The following PNPLA7 variants were observed in gnomAD, a reference collection of about 807,000 sequenced individuals.
PNPLA7 encodes the protein patatin-like phospholipase domain-containing protein 7.
A neutral mutation model predicts 161.7 loss-of-function variants in PNPLA7; 153 were observed. The ratio of observed to expected loss-of-function variants is 0.95; its 90% CI spans 0.83 to 1.08. PNPLA7 has a LOEUF of 1.08. Ranked by LOEUF, PNPLA7 falls within the 50% of genes least tolerant of loss-of-function variation. PNPLA7 has a pLI of 0.00. For missense variants in PNPLA7, 1,739 were observed against 1,856.6 expected (o/e 0.94, Z 1.16); for synonymous variants, 809 against 782.1 (o/e 1.03, Z -0.57).
Position 137,464,539 on chromosome 9 carries a change from C to T in PNPLA7, c.3040-83G>A, listed in dbSNP as rs1160943315. 19 of 1,257,694 alleles carry T rather than the reference C, an allele frequency of 1.5e-5. No homozygotes were observed. In the South Asian group the frequency reaches 1.7e-4, roughly 11 times the overall value. The allele number at this position is 1,257,694 out of a possible 1,614,324, so 77.9% of individuals were successfully genotyped here. A position where few individuals can be genotyped will look rare whatever the true frequency, so the allele number is the denominator to read the frequency against. ...CAGACACGTGGCGTGCTGAGGGCCT[C>T]TCATGAATGGAACGGGGGTCCAGAG... On this transcript the variant is annotated intron_variant, in intron 26 of 34. Transcript: ENST00000406427.
At chr9:137,514,832 C>T (rs1417131428) in intron 12 of PNPLA7, among the ~76,000 whole-genome samples, 4 of 140,834 alleles carry the variant, frequency 2.8e-5, no homozygotes, top group Admixed American at 7.1e-5. Context: ...GGGCTGCGGG[C>T]GGGTCACCTG....
chr9:137,527,936 A>G (rs1308477372), intron 8 of PNPLA7, among the ~76,000 whole-genome samples: 1 of 152,252 alleles, frequency 6.6e-6, no homozygotes, highest in Admixed American at 6.5e-5. Context: ...CTTTAGTAGT[A>G]GCCATTCAGA....
At chr9:137,464,021 T>C (rs1413562836) in intron 28 of PNPLA7, 105 bp downstream of exon 28, 2 of 1,256,070 alleles carry the variant, frequency 1.6e-6, no homozygotes, top group African/African-American at 3.0e-5. Context: ...TACGTCTGCA[T>C]CCTTCAGGAG....
In PNPLA7 at chr9:137,520,809, C is replaced by A. The variant is rs903405650; in HGVS notation, c.958-766G>T. 1.3e-5 allele frequency among the ~76,000 whole-genome samples: 2 copies of A among 152,218 alleles called. No homozygotes were observed. The highest frequency in any genetic ancestry group is 2.9e-5 in the Non-Finnish European group (2 of 68,038). ...TTGTGCCCTTGACAATGCGCTGTAC[C>A]CTCCAAACGCGTCACAGTTCAGGGT... On this transcript the variant is annotated intron_variant, in intron 10 of 34. Transcript: ENST00000406427. The surrounding 1 kb of genome is among the most constrained non-coding windows in gnomAD (Gnocchi z 5.2).
Position 137,541,746 on chromosome 9 carries a change from A to G in PNPLA7, c.666+896T>C, listed in dbSNP as rs773310228. Among the ~76,000 whole-genome samples, 42 of 152,330 alleles carry G rather than the reference A, an allele frequency of 2.8e-4. No homozygotes were observed. The highest frequency in any genetic ancestry group is 6.2e-4 in the South Asian group (3 of 4,834). ...TCAAAGGGTGGAATTTAACAGAGGC[A>G]GGAAACAAGTATTGAGCTCCTACGT... is the stretch of plus-strand genomic sequence containing the variant. On this transcript the variant is annotated intron_variant, in intron 7 of 34. Coordinates refer to ENST00000406427, the MANE Select transcript of PNPLA7 (RefSeq NM_001098537.3). This position sits in a 1 kb window ranked among gnomAD's most constrained non-coding sequence, Gnocchi z 4.4.
intron 26 of PNPLA7, chr9:137,464,660 A>G: frequency 1.7e-6 from 1 of 592,290 alleles, no homozygotes. Flanking sequence ...CCTGAAAGCC[A>G]GGACACAGCC....
chr9:137,461,870 G>A, intron 32 of PNPLA7, 61 bp downstream of exon 32: 1 of 1,462,772 alleles, frequency 6.8e-7, no homozygotes, highest in Non-Finnish European at 9.1e-7. Context: ...GGGCGTGGGC[G>A]TGGCCCGAAG....
In PNPLA7 at chr9:137,541,259, G is replaced by A. The variant is rs1472820525; in HGVS notation, c.667-537C>T. ...TAGTCCAAAGGCCAGAGGGACACGG[G>A]TTCTGGTCCTTCAGGAGGGCCCCGC... On this transcript the variant is annotated intron_variant, in intron 7 of 34. Transcript: ENST00000406427. The surrounding 1 kb of genome is among the most constrained non-coding windows in gnomAD (Gnocchi z 4.4). Among the ~76,000 whole-genome samples, 2 of 152,156 alleles carry A rather than the reference G, an allele frequency of 1.3e-5. No individual in the cohort carries two copies. The highest frequency in any genetic ancestry group is 4.8e-5 in the African/African-American group (2 of 41,438).
At chr9:137,517,377 A>C (rs1290085203) in intron 11 of PNPLA7, among the ~76,000 whole-genome samples, 2 of 60,166 alleles carry the variant, frequency 3.3e-5, no homozygotes, top group Non-Finnish European at 5.9e-5. Flanking sequence ...TCCATCTCCC[A>C]CTCACTCACT....
chr9:137,485,856 C>G (rs751261058), intron 20 of PNPLA7, among the ~76,000 whole-genome samples: 1 of 152,198 alleles, frequency 6.6e-6, no homozygotes, highest in Non-Finnish European at 1.5e-5. Context: ...AGCACAGTGG[C>G]AAGGACATGG....
Position 137,505,734 on chromosome 9 carries a change from C to T in PNPLA7, c.1353G>A (p.Glu451=). The T allele has an allele frequency of 6.2e-7, 1 of 1,614,084 alleles. No individual in the cohort carries two copies. Among genetic ancestry groups the T allele is most frequent in the Non-Finnish European group, 8.5e-7 (1 of 1,180,026 alleles). ...SKSRKSVMVA[E]IPSTVSQHSE... is the part of the protein sequence containing the mutation. ...AGTGCTGGGAGACCGTGGAGGGTAT[C>T]TCTGCAACCATCACGCTTTTCCTGG... The change falls in exon 14 of 35, where the codon GAG becomes GAA. Residue 451 remains glutamate, a synonymous_variant. Transcript: ENST00000406427.
At position 137,505,766 on chromosome 9, in the gene PNPLA7, G is replaced by T; in HGVS notation, c.1327-6C>A. The T allele has an allele frequency of 6.2e-7, 1 of 1,613,542 alleles. No individual in the cohort carries two copies. The highest frequency in any genetic ancestry group is 8.5e-7 in the Non-Finnish European group (1 of 1,179,640). On this transcript the variant is annotated splice_region_variant and splice_polypyrimidine_tract_variant and intron_variant, in intron 13 of 34. Transcript: ENST00000406427. ...ACCATCACGCTTTTCCTGGACTGGA[G>T]AAGAACGGAGATACCGGCAATTCGA... is the stretch of plus-strand genomic sequence containing the variant.
chr9:137,507,066 G>C (rs959724678), intron 12 of PNPLA7, among the ~76,000 whole-genome samples: 1 of 152,244 alleles, frequency 6.6e-6, no homozygotes, highest in African/African-American at 2.4e-5. Flanking sequence ...GACACAGAGA[G>C]CCAGGAGCGC....
intron 17 of PNPLA7, among the ~76,000 whole-genome samples, chr9:137,497,623 G>T (rs1288848034): frequency 6.6e-6 from 1 of 152,174 alleles, no homozygotes; most frequent in African/African-American, 2.4e-5. Context: ...CACCTCCCAG[G>T]TTCATGTGAT....
intron 4 of PNPLA7, among the ~76,000 whole-genome samples, chr9:137,545,292 C>T (rs1260354192): frequency 1.3e-5 from 2 of 152,088 alleles, no homozygotes; most frequent in African/African-American, 2.4e-5. Flanking sequence ...AGCACACATG[C>T]CGGTAACCAG....
Position 137,482,203 on chromosome 9 carries a change from G to A in PNPLA7, c.2348-1180C>T, listed in dbSNP as rs62590165. Among the ~76,000 whole-genome samples, 537 of 152,298 alleles carry A rather than the reference G, an allele frequency of 3.5e-3. 2 individuals are homozygous for A. Among genetic ancestry groups the A allele is most frequent in the Non-Finnish European group, 5.8e-3 (392 of 68,024 alleles). ...TTTCTTCTACAACTAAACATACTCC[G>A]ACCACAGGATCCAGCAATCATGCTC... On this transcript the variant is annotated intron_variant, in intron 21 of 34. Coordinates refer to ENST00000406427, the MANE Select transcript of PNPLA7 (RefSeq NM_001098537.3).
At chr9:137,470,342 TTTTA>T (rs1831652068) in intron 25 of PNPLA7, among the ~76,000 whole-genome samples, 1 of 152,166 alleles carries the variant, frequency 6.6e-6, no homozygotes, top group African/African-American at 2.4e-5. Flanking sequence ...GTAAAATTTG[TTTTA>T]TTTATTCCTT....
At chr9:137,506,539 C>T (rs563754058) in intron 12 of PNPLA7, among the ~76,000 whole-genome samples, 1 of 152,294 alleles carries the variant, frequency 6.6e-6, no homozygotes, top group South Asian at 2.1e-4. Context: ...TGGGCCGTCA[C>T]GCTGGTGCTT....
rs753588257 is a variant in PNPLA7 at position 137,543,411 on chromosome 9, G to C, written c.506+21C>G. 3.7e-6 allele frequency: 6 copies of C among 1,613,766 alleles called. No individual in the cohort carries two copies. The South Asian group carries it at 5.5e-5, about 15-fold the overall frequency. On this transcript the variant is annotated intron_variant, in intron 6 of 34. Transcript: ENST00000406427. The surrounding 1 kb of genome is among the most constrained non-coding windows in gnomAD (Gnocchi z 6.9). ...GGCTATGGGAGCTGCCGCAGCCCCCGGGGCTCATCCCCGCTCTTACCGAAC... is the reference window on the plus strand; with the variant it reads ...GGCTATGGGAGCTGCCGCAGCCCCCCGGGCTCATCCCCGCTCTTACCGAAC...
Sources: gnomAD v4.1 joint callset for allele counts (sites outside exome capture counted in the v4.1 genomes callset) on GRCh38, gnomAD v4.1.1 for gene constraint, Gnocchi (gnomAD v3.1) non-coding constraint, MANE v1.5 for transcripts, NCBI Gene and HGNC (gene_info 2026-07-23, HGNC 2026-07-21) for gene names.